ZNF878: variants seen among roughly 807,000 people sequenced by gnomAD.
ZNF878 encodes the protein zinc finger protein 878.
ZNF878 carries 10 observed loss-of-function variants against 11.1 expected under a neutral mutation model. The observed-to-expected ratio is 0.90, with a 90% CI of 0.56 to 1.53. The LOEUF is 1.53. ZNF878 is among the 40% of genes most tolerant of loss of function. The probability of loss-of-function intolerance (pLI) is 0.00; values close to 1 mark genes in which losing one functional copy is unlikely to be tolerated. For synonymous variants in ZNF878, 165 were observed against 209.7 expected (o/e 0.79, Z 1.84); for missense variants, 548 against 626.1 (o/e 0.88, Z 1.33).
intron 1 of ZNF878, among the ~76,000 whole-genome samples, chr19:12,048,777 T>C (rs1975520140): frequency 6.9e-6 from 1 of 144,892 alleles, no homozygotes. Flanking sequence ...GAGATTACAA[T>C]GAGCCAAGAT....
intron 1 of ZNF878, among the ~76,000 whole-genome samples, chr19:12,049,091 C>T (rs923325012): frequency 4.8e-5 from 7 of 144,934 alleles, no homozygotes; most frequent in South Asian, 2.2e-4. Flanking sequence ...TGCAGTGAGC[C>T]GAGATCACGC....
rs1673108099 is a variant in ZNF878, at chr19:12,052,925, G to A, written c.-124C>T. 4 of 1,424,854 alleles carry A rather than the reference G, an allele frequency of 2.8e-6. No homozygotes were observed. The highest frequency in any genetic ancestry group is 2.5e-5 in the East Asian group (1 of 40,186). 88.3% of individuals were successfully genotyped at this position (1,424,854 alleles called of 1,614,324 possible). A position where few individuals can be genotyped will look rare whatever the true frequency, so the allele number is the denominator to read the frequency against. ...AACTGGTCCCTCTCGGAGCAAGAAA[G>A]CCCCAGACCTTAACTAGCGCGAGCA... On this transcript the variant is annotated 5_prime_UTR_variant, in exon 1 of 4. Coordinates refer to ENST00000547628, the MANE Select transcript of ZNF878 (RefSeq NM_001080404.3).
chr19:12,049,919 T>C (rs1039833895), intron 1 of ZNF878, among the ~76,000 whole-genome samples: 12 of 151,884 alleles, frequency 7.9e-5, no homozygotes, highest in African/African-American at 2.4e-4. Context: ...TGACATGGCA[T>C]CCAATTTTAA....
chr19:12,044,617 T>A lies in ZNF878; in HGVS notation c.784A>T (p.Lys262Ter). The A allele has an allele frequency of 6.2e-7, 1 of 1,614,164 alleles. No homozygotes were observed. The highest frequency in any genetic ancestry group is 1.1e-5 in the South Asian group (1 of 91,076). ...EKRYKCKQCD[K>*]AFNCPSSFQY... ...AAGGAACTGGGACAATTGAAGGCTT[T>A]ATCACATTGCTTGCATTTATAGCGT... The change falls in exon 4 of 4, where the codon AAA becomes TAA. Residue 262 changes from lysine (K) to a stop codon, truncating the protein, a stop_gained. Coordinates refer to ENST00000547628, the MANE Select transcript of ZNF878 (RefSeq NM_001080404.3). LOFTEE classifies it low-confidence loss of function (END_TRUNC).
At chr19:12,047,422 G>A (rs1260974323) in intron 1 of ZNF878, among the ~76,000 whole-genome samples, 2 of 151,912 alleles carry the variant, frequency 1.3e-5, no homozygotes, top group Non-Finnish European at 2.9e-5. Context: ...AAATTAGCCA[G>A]GCATAGTGAT....
chr19:12,050,637 G>C (rs1975540346), intron 1 of ZNF878, among the ~76,000 whole-genome samples: 1 of 152,056 alleles, frequency 6.6e-6, no homozygotes, highest in Non-Finnish European at 1.5e-5. Context: ...ATATTGTTTT[G>C]TAAAATATTT....
chr19:12,045,504 C>T (rs1349137677), intron 3 of ZNF878, among the ~76,000 whole-genome samples: 12 of 151,776 alleles, frequency 7.9e-5, no homozygotes, highest in African/African-American at 2.2e-4. Flanking sequence ...AAAAATTAGC[C>T]GGGCGTGGTG....
chr19:12,046,538 T>C, intron 2 of ZNF878, 96 bp downstream of exon 2: 1 of 1,580,258 alleles, frequency 6.3e-7, no homozygotes. Flanking sequence ...TTATTCAAAG[T>C]ATTCCCTGAC....
chr19:12,044,349 A>C lies in ZNF878; in HGVS notation c.1052T>G (p.Val351Gly). ...CCTTTCATGTATTCGAAGATCCTTGACAAAACTGAAGGCTTTCACACATTT... is the reference window on the plus strand; with the variant it reads ...CCTTTCATGTATTCGAAGATCCTTGCCAAAACTGAAGGCTTTCACACATTT... ...CKKCVKAFSF[V>G]KDLRIHERTH... The change falls in exon 4 of 4, where the codon GTC becomes GGC. Residue 351 changes from valine (V) to glycine (G), a missense_variant. By Grantham distance (109) the Val-to-Gly change is moderately radical. Coordinates refer to ENST00000547628, the MANE Select transcript of ZNF878 (RefSeq NM_001080404.3). 1 of 1,611,958 alleles carries C rather than the reference A, an allele frequency of 6.2e-7. No individual in the cohort carries two copies. Among genetic ancestry groups the C allele is most frequent in the South Asian group, 1.1e-5 (1 of 91,010 alleles).
At position 12,044,890 on chromosome 19, in the gene ZNF878, A is replaced by T; in HGVS notation, c.511T>A (p.Tyr171Asn). The change falls in exon 4 of 4, where the codon TAT (tyrosine) becomes AAT (asparagine). Residue 171 changes from tyrosine (Y) to asparagine (N), a missense_variant. Tyr to Asn is a moderately radical substitution (Grantham distance 143). Around this residue, in one of 3 missense-constraint regions of ZNF878, gnomAD observed 53 missense variants for 94.6 expected, o/e 0.56. Coordinates refer to ENST00000547628, the MANE Select transcript of ZNF878 (RefSeq NM_001080404.3). ...HERIHSAKKP[Y>N]ECKQCGKAFS... ...GCTTTCCCACACTGCTTACATTCATAGGGTTTTTTTGCAGAGTGGATTCTT... is the reference window on the plus strand; with the variant it reads ...GCTTTCCCACACTGCTTACATTCATTGGGTTTTTTTGCAGAGTGGATTCTT... 1 of 1,614,148 alleles carries T rather than the reference A, an allele frequency of 6.2e-7. No individual in the cohort carries two copies. The highest frequency in any genetic ancestry group is 8.5e-7 in the Non-Finnish European group (1 of 1,180,032).
chr19:12,051,766 G>C (rs1050288335), intron 1 of ZNF878, among the ~76,000 whole-genome samples: 1 of 152,138 alleles, frequency 6.6e-6, no homozygotes, highest in Non-Finnish European at 1.5e-5. Flanking sequence ...AATTAGCCGG[G>C]CGTGGTGGCT....
chr19:12,046,379 C>G lies in ZNF878; in HGVS notation c.180G>C (p.Arg60Ser), dbSNP rs1345443696. 2 of 1,572,462 alleles carry G rather than the reference C, an allele frequency of 1.3e-6. No individual in the cohort carries two copies. Among genetic ancestry groups the G allele is most frequent in the Non-Finnish European group, 1.7e-6 (2 of 1,157,688 alleles). The change falls in exon 3 of 4, where the codon AGG (arginine) becomes AGC (serine). Residue 60 changes from arginine (R) to serine (S), a missense_variant. Transcript: ENST00000547628. Reference sequence around the variant, plus strand: ...TAAGTGCCAGTTACCTTAGGTTTCTCCTAGGATTTTGGTGCTCATCTTCAA... The same window carrying G: ...TAAGTGCCAGTTACCTTAGGTTTCTGCTAGGATTTTGGTGCTCATCTTCAA... ...QYIEDEHQNP[R>S]RNLRRLIGER...
chr19:12,048,667 C>G (rs957506178), intron 1 of ZNF878, among the ~76,000 whole-genome samples: 1 of 151,204 alleles, frequency 6.6e-6, no homozygotes, highest in African/African-American at 2.4e-5. Flanking sequence ...AACCACGTCT[C>G]TACTAAAAAT....
intron 1 of ZNF878, among the ~76,000 whole-genome samples, chr19:12,047,598 G>T (rs1435135004): frequency 1.3e-5 from 2 of 151,766 alleles, no homozygotes; most frequent in African/African-American, 4.8e-5. Context: ...TGATAAGAGA[G>T]TCATAACTAA....
In ZNF878 at chr19:12,044,721, T is replaced by C. The variant is rs764625876; in HGVS notation, c.680A>G (p.His227Arg). Reference protein sequence around the residue: ...HMRMHTGERPHKCNICGKAFF... With the variant: ...HMRMHTGERPRKCNICGKAFF... The stretch of plus-strand genomic sequence containing the variant: ...GGCTTTCCCACATATGTTACATTTA[T>C]GAGGTCTCTCTCCAGTGTGCATTCT... The change falls in exon 4 of 4, where the codon CAT (histidine) becomes CGT (arginine). Residue 227 changes from histidine to arginine, a missense_variant. Around this residue, in one of 3 missense-constraint regions of ZNF878, gnomAD observed 53 missense variants for 94.6 expected, o/e 0.56. Transcript: ENST00000547628. 1 of 1,614,062 alleles carries C rather than the reference T, an allele frequency of 6.2e-7. No individual in the cohort carries two copies. Among genetic ancestry groups the C allele is most frequent in the African/African-American group, 1.3e-5 (1 of 74,932 alleles).
In ZNF878 at chr19:12,052,944, G is replaced by T; in HGVS notation, c.-143C>A. The T allele has an allele frequency of 7.3e-7, 1 of 1,362,676 alleles. No homozygotes were observed. The highest frequency in any genetic ancestry group is 9.9e-7 in the Non-Finnish European group (1 of 1,005,984). 84.4% of individuals were successfully genotyped at this position (1,362,676 alleles called of 1,614,324 possible). On this transcript the variant is annotated 5_prime_UTR_variant, in exon 1 of 4. Coordinates refer to ENST00000547628, the MANE Select transcript of ZNF878 (RefSeq NM_001080404.3). ...AAGAAAGCCCCAGACCTTAACTAGC[G>T]CGAGCAGCCCTAGGAGTGAAGAGAG...
rs777626762 is a variant in ZNF878 at position 12,044,841 on chromosome 19, C to T, written c.560G>A (p.Arg187His). The T allele has an allele frequency of 7.4e-6, 12 of 1,613,346 alleles. No individual in the cohort carries two copies. The highest frequency in any genetic ancestry group is 4.0e-5 in the African/African-American group (3 of 74,676). Residue 187 changes from arginine to histidine, a missense_variant, in exon 4 of 4, where the codon CGT (arginine) becomes CAT (histidine). Around this residue, in one of 3 missense-constraint regions of ZNF878, gnomAD observed 53 missense variants for 94.6 expected, o/e 0.56. Coordinates refer to ENST00000547628, the MANE Select transcript of ZNF878 (RefSeq NM_001080404.3). ...TGCAGAGTGGATTCTTTCATGTCTA[C>T]GAACAGAACTGGGAAAACTGAATGC... is the stretch of plus-strand genomic sequence containing the variant. ...GKAFSFPSSV[R>H]RHERIHSAKK...
downstream of ZNF878, chr19:12,043,704 A>G (rs916083308): frequency 4.1e-6 from 5 of 1,228,072 alleles, no homozygotes; most frequent in Non-Finnish European, 5.5e-6. Flanking sequence ...GCTTCCCAAA[A>G]TGCTGAGATT....
intron 1 of ZNF878, 121 bp downstream of exon 1, chr19:12,052,678 G>C: frequency 1.5e-6 from 2 of 1,294,944 alleles, no homozygotes; most frequent in Non-Finnish European, 1.0e-6. Flanking sequence ...GCTGCGCTAG[G>C]GGGACTGTGT....
Sources: gnomAD v4.1 joint callset for allele counts (sites outside exome capture counted in the v4.1 genomes callset) on GRCh38, gnomAD v4.1.1 for gene constraint, gnomAD v4.1.1 regional missense constraint, MANE v1.5 for transcripts, NCBI Gene and HGNC (gene_info 2026-07-23, HGNC 2026-07-21) for gene names.